CCDC201: variants seen among roughly 807,000 people sequenced by gnomAD.
CCDC201 encodes coiled-coil domain-containing protein 201.
the CCDC201 span, among the ~76,000 whole-genome samples, chr7:45,879,071 A>C: frequency 5.3e-5 from 8 of 152,354 alleles, no homozygotes; most frequent in Admixed American, 4.6e-4. Flanking sequence ...TCCCTCGAGC[A>C]GGGGCAAAAT....
intron 1 of CCDC201, among the ~76,000 whole-genome samples, chr7:45,872,180 T>A (rs1374268784): frequency 6.6e-6 from 1 of 152,176 alleles, no homozygotes. Flanking sequence ...GCATGCATTT[T>A]CTATTTATAA....
upstream of CCDC201, among the ~76,000 whole-genome samples, chr7:45,873,283 C>G (rs536555736): frequency 7.2e-6 from 1 of 138,372 alleles, no homozygotes; most frequent in Non-Finnish European, 1.6e-5. Context: ...ACCCCCCCAC[C>G]CCCCAGCAAC....
the CCDC201 span, among the ~76,000 whole-genome samples, chr7:45,883,745 TTTTC>T: frequency 6.6e-6 from 1 of 152,184 alleles, no homozygotes; most frequent in Admixed American, 6.5e-5. Context: ...CCTGATGTTC[TTTTC>T]TTTCTTTCAT....
At chr7:45,867,356 A>G (rs755625679) in intron 1 of CCDC201, among the ~76,000 whole-genome samples, 5 of 152,162 alleles carry the variant, frequency 3.3e-5, no homozygotes, top group Admixed American at 6.5e-5. Flanking sequence ...ATCCCACTTG[A>G]ATGGAACAAT....
chr7:45,878,297 G>A, the CCDC201 span, among the ~76,000 whole-genome samples: 14 of 152,162 alleles, frequency 9.2e-5, no homozygotes, highest in East Asian at 1.9e-4. Flanking sequence ...GACCCTCTTC[G>A]CACAGCTCTA....
the CCDC201 span, among the ~76,000 whole-genome samples, chr7:45,883,456 T>C: frequency 6.6e-6 from 1 of 151,872 alleles, no homozygotes; most frequent in Non-Finnish European, 1.5e-5. Context: ...GAAGGGGTCA[T>C]AGGAGGAAGG....
At chr7:45,864,341 C>G (rs1437362462) in intron 2 of CCDC201, among the ~76,000 whole-genome samples, 1 of 152,202 alleles carries the variant, frequency 6.6e-6, no homozygotes, top group Non-Finnish European at 1.5e-5. Context: ...TCCCCACAAG[C>G]TCTACCCATA....
At chr7:45,879,644 A>G in the CCDC201 span, among the ~76,000 whole-genome samples, 1 of 152,230 alleles carries the variant, frequency 6.6e-6, no homozygotes, top group Non-Finnish European at 1.5e-5. Flanking sequence ...TCATGATCCA[A>G]TCACATCGCA....
chr7:45,877,901 A>G (rs1055365208), upstream of CCDC201, among the ~76,000 whole-genome samples: 11 of 152,128 alleles, frequency 7.2e-5, no homozygotes, highest in African/African-American at 2.7e-4. Flanking sequence ...CCAAAATCTC[A>G]TCTGAGACAA....
At chr7:45,867,066 T>C (rs1786686125) in intron 1 of CCDC201, among the ~76,000 whole-genome samples, 1 of 152,250 alleles carries the variant, frequency 6.6e-6, no homozygotes, top group Non-Finnish European at 1.5e-5. Context: ...AAGTGAATCA[T>C]GCTCCTGCAC....
chr7:45,881,223 C>T, the CCDC201 span, among the ~76,000 whole-genome samples: 1 of 152,096 alleles, frequency 6.6e-6, no homozygotes, highest in Non-Finnish European at 1.5e-5. Context: ...CAACAGGGAG[C>T]TCTGGTGTCC....
At chr7:45,864,897 A>T (rs1404305184) in intron 2 of CCDC201, among the ~76,000 whole-genome samples, 2 of 152,102 alleles carry the variant, frequency 1.3e-5, no homozygotes, top group East Asian at 3.9e-4. Context: ...ACAGAGCCCA[A>T]GGTTAGGAAG....
rs112147392 is a variant in CCDC201 at position 45,868,697 on chromosome 7, C to G, written c.19-2203G>C. On this transcript the variant is annotated intron_variant, in intron 1 of 2. Coordinates refer to ENST00000636578, the Ensembl canonical transcript of CCDC201. ...GTATTTTTCAAAGCCAGCACTCTGACATGGTTTTTGCATCCACTCTGGGGA... is the reference window on the plus strand; with the variant it reads ...GTATTTTTCAAAGCCAGCACTCTGAGATGGTTTTTGCATCCACTCTGGGGA... Among the ~76,000 whole-genome samples the G allele has an allele frequency of 6.3e-3, 966 of 152,280 alleles. 11 individuals carry two copies. Among genetic ancestry groups the G allele is most frequent in the African/African-American group, 0.022 (922 of 41,554 alleles).
At chr7:45,871,772 G>A (rs1018869934) in intron 1 of CCDC201, among the ~76,000 whole-genome samples, 5 of 152,186 alleles carry the variant, frequency 3.3e-5, no homozygotes, top group Non-Finnish European at 7.3e-5. Context: ...TGGTCCTTCA[G>A]TATACACATG....
chr7:45,882,778 G>A, the CCDC201 span, among the ~76,000 whole-genome samples: 3 of 152,180 alleles, frequency 2.0e-5, no homozygotes, highest in African/African-American at 4.8e-5. Context: ...TGCGGCAGGA[G>A]GTCTCCTGGT....
the CCDC201 span, among the ~76,000 whole-genome samples, chr7:45,880,810 T>C: frequency 6.6e-6 from 1 of 152,256 alleles, no homozygotes; most frequent in Non-Finnish European, 1.5e-5. Flanking sequence ...CTGAGGACAG[T>C]AATTTGACAG....
chr7:45,885,026 C>A, the CCDC201 span, among the ~76,000 whole-genome samples: 1 of 152,106 alleles, frequency 6.6e-6, no homozygotes, highest in Non-Finnish European at 1.5e-5. Context: ...GCAATTCATT[C>A]TGAGGGGGCA....
At chr7:45,862,061 T>C (rs1254287371) in exon 3 of CCDC201, 3 of 152,274 alleles carry the variant, frequency 2.0e-5, no homozygotes, top group Non-Finnish European at 4.4e-5. Flanking sequence ...CTTCGTATTA[T>C]TGATCACCTG....
intron 1 of CCDC201, among the ~76,000 whole-genome samples, chr7:45,871,965 G>T (rs1008565716): frequency 2.0e-5 from 3 of 152,122 alleles, no homozygotes; most frequent in African/African-American, 7.2e-5. Flanking sequence ...AAGGCAATTT[G>T]GTAGCACTCA....
Sources: allele counts gnomAD v4.1 joint callset (sites outside exome capture counted in the v4.1 genomes callset), GRCh38; gene constraint gnomAD v4.1.1; transcripts MANE v1.5; gene names NCBI Gene and HGNC (gene_info 2026-07-23, HGNC 2026-07-21).